PHYHD1: variants seen among roughly 807,000 people sequenced by gnomAD.
The protein encoded by PHYHD1 is phytanoyl-CoA dioxygenase domain containing 1, also known as phytanoyl-CoA dioxygenase domain-containing protein 1.
Under a neutral mutation model 43.6 loss-of-function variants are expected in PHYHD1, and 42 were observed. The ratio of observed to expected loss-of-function variants is 0.96; its 90% CI spans 0.75 to 1.25. The LOEUF is 1.25. Among genes scored for constraint, PHYHD1 ranks in the 50% most tolerant of loss-of-function variants. The pLI, the probability that PHYHD1 is intolerant of heterozygous loss-of-function variation, is 0.00. For missense variants in PHYHD1, 342 were observed against 370.8 expected, an observed-to-expected ratio of 0.92 and a Z score of 0.64; for synonymous variants, 139 against 143.6, an observed-to-expected ratio of 0.97 and a Z score of 0.23.
rs181668961 is a variant in PHYHD1 at position 128,927,787 on chromosome 9, C to T, written c.192+591C>T. ...TCTGATACCAAGTCCCTGCTGTTCC[C>T]AGCTTGGCTTTACTTTCTGTTTTCC... On this transcript the variant is annotated intron_variant, in intron 4 of 12. Coordinates refer to ENST00000372592, the MANE Select transcript of PHYHD1 (RefSeq NM_001100876.2). Among the ~76,000 whole-genome samples, 20 of 152,368 alleles carry T rather than the reference C, an allele frequency of 1.3e-4. No homozygotes were observed. In the East Asian group the frequency reaches 3.9e-3, roughly 29 times the overall value.
At chr9:128,936,214 C>T (rs563813792) in intron 6 of PHYHD1, among the ~76,000 whole-genome samples, 2 of 151,832 alleles carry the variant, frequency 1.3e-5, no homozygotes, top group South Asian at 2.1e-4. Flanking sequence ...GGTGGGGAGT[C>T]GGGGCTGGAC....
Position 128,936,788 on chromosome 9 carries a change from A to G in PHYHD1, c.435+143A>G. On this transcript the variant is annotated intron_variant, in intron 8 of 12. Transcript: ENST00000372592. ...TGGAAAATCGGTCTCCTCTGGCTAA[A>G]GCACCTGGAACTTAGTTGATCCTCA... 6 of 1,007,310 alleles carry G rather than the reference A, an allele frequency of 6.0e-6. No individual in the cohort carries two copies. The South Asian group carries it at 6.4e-5, about 11-fold the overall frequency. The allele number at this position is 1,007,310 out of a possible 1,614,324, so 62.4% of individuals were successfully genotyped here. A position where few individuals can be genotyped will look rare whatever the true frequency, so the allele number is the denominator to read the frequency against.
intron 4 of PHYHD1, among the ~76,000 whole-genome samples, chr9:128,932,172 A>T (rs866488758): frequency 0.026 from 2,706 of 103,060 alleles, 181 homozygotes; most frequent in African/African-American, 0.098. Context: ...TATTATTGTT[A>T]TTATTATTAT....
chr9:128,924,760 C>A (rs1028938048), intron 3 of PHYHD1, among the ~76,000 whole-genome samples: 1 of 151,280 alleles, frequency 6.6e-6, no homozygotes, highest in Non-Finnish European at 1.5e-5. Context: ...CATAGTGAAA[C>A]CCCATCTCTA....
In PHYHD1 at chr9:128,937,718, T is replaced by C. The variant is rs1319862802; in HGVS notation, c.436-39T>C. ...CTCAGCAAGCCCAGCTCCTCTCTGCTCTCTTCTGTCCTCACCAGGCTTTTC... is the reference window on the plus strand; with the variant it reads ...CTCAGCAAGCCCAGCTCCTCTCTGCCCTCTTCTGTCCTCACCAGGCTTTTC... On this transcript the variant is annotated intron_variant, in intron 8 of 12. Transcript: ENST00000372592. 3 of 1,613,206 alleles carry C rather than the reference T, an allele frequency of 1.9e-6. No individual in the cohort carries two copies. In the Admixed American group the frequency reaches 5.0e-5, roughly 27 times the overall value.
intron 4 of PHYHD1, among the ~76,000 whole-genome samples, chr9:128,932,253 A>G (rs1306915129): frequency 6.7e-6 from 1 of 148,180 alleles, no homozygotes; most frequent in Non-Finnish European, 1.5e-5. Flanking sequence ...ATCTCAGCTC[A>G]CTGCAACCTC....
At chr9:128,934,718 A>C (rs1564541475) in intron 6 of PHYHD1, among the ~76,000 whole-genome samples, 1 of 151,318 alleles carries the variant, frequency 6.6e-6, no homozygotes. Context: ...CAGTGAGCCG[A>C]TATCATGCCA....
At chr9:128,927,273 G>C (rs1841161593) in intron 4 of PHYHD1, 77 bp downstream of exon 4, 1 of 1,572,388 alleles carries the variant, frequency 6.4e-7, no homozygotes, top group Non-Finnish European at 8.7e-7. Flanking sequence ...CAGCATCGTG[G>C]AAGGGAGGAT....
In PHYHD1 at chr9:128,936,479, C is replaced by G; in HGVS notation, c.348C>G (p.Ser116Arg). 1 of 1,613,800 alleles carries G rather than the reference C, an allele frequency of 6.2e-7. No individual in the cohort carries two copies. Residue 116 changes from serine to arginine, a missense_variant, in exon 7 of 13, where the codon AGC becomes AGG. Physicochemically the swap from Ser to Arg is moderately radical, Grantham distance 110 (BLOSUM62 -1). Coordinates refer to ENST00000372592, the MANE Select transcript of PHYHD1 (RefSeq NM_001100876.2). ...ALHAHDPVFK[S>R]ITHSFKVQTL... ...ACGCCCACGACCCCGTCTTCAAGAG[C>G]ATCACACACTCCTTCAAGGTGCAGG...
At chr9:128,930,153 G>A (rs555634319) in intron 4 of PHYHD1, among the ~76,000 whole-genome samples, 118 of 151,836 alleles carry the variant, frequency 7.8e-4, no homozygotes, top group African/African-American at 2.7e-3. Context: ...GGTGATGCAC[G>A]TGTGTAATCC....
chr9:128,922,235 G>A, intron 2 of PHYHD1, 48 bp from the exon 3 acceptor site: 1 of 1,503,868 alleles, frequency 6.6e-7, no homozygotes. Flanking sequence ...CTCCGGGTAG[G>A]GAAGGGTTAA....
intron 4 of PHYHD1, among the ~76,000 whole-genome samples, chr9:128,932,036 T>C (rs1316491868): frequency 1.3e-5 from 2 of 150,854 alleles, no homozygotes; most frequent in African/African-American, 4.9e-5. Flanking sequence ...GGTCTCATCA[T>C]ATTGGTCAGG....
At chr9:128,937,831 C>G in intron 9 of PHYHD1, 53 bp downstream of exon 9, 1 of 1,613,628 alleles carries the variant, frequency 6.2e-7, no homozygotes. Flanking sequence ...ACATCTAAGA[C>G]AGCAATGGTT....
rs541513380 is a variant in PHYHD1 at position 128,931,846 on chromosome 9, C to T, written c.193-1936C>T. Among the ~76,000 whole-genome samples, 663 of 149,754 alleles carry T rather than the reference C, an allele frequency of 4.4e-3. 9 individuals are homozygous for T. The highest frequency in any genetic ancestry group is 0.042 in the East Asian group (211 of 5,028). On this transcript the variant is annotated intron_variant, in intron 4 of 12. Transcript: ENST00000372592. ...CCGGCCTTTCTTTCTTTCTTTCTTTCTTTTTGAGATGGAGTTTTGCTCTTG... is the reference window on the plus strand; with the variant it reads ...CCGGCCTTTCTTTCTTTCTTTCTTTTTTTTTGAGATGGAGTTTTGCTCTTG...
At chr9:128,932,528 C>A (rs562420166) in intron 4 of PHYHD1, among the ~76,000 whole-genome samples, 4 of 151,946 alleles carry the variant, frequency 2.6e-5, no homozygotes, top group African/African-American at 9.7e-5. Context: ...CCACCATGCC[C>A]GGCTAATTTT....
chr9:128,937,946 T>C, intron 9 of PHYHD1, 168 bp downstream of exon 9: 2 of 1,504,748 alleles, frequency 1.3e-6, no homozygotes, highest in South Asian at 1.3e-5. Context: ...AGTGGATTGG[T>C]AGGGAAACCT....
intron 9 of PHYHD1, among the ~76,000 whole-genome samples, chr9:128,938,345 A>G (rs1337044486): frequency 2.0e-5 from 3 of 151,714 alleles, no homozygotes; most frequent in Non-Finnish European, 2.9e-5. Flanking sequence ...CAAACCAAGC[A>G]AACAAAAAAA....
At chr9:128,933,641 CTCAGTGGACAAG>C (rs1841352897) in intron 4 of PHYHD1, 129 bp from the exon 5 acceptor site, 1 of 867,734 alleles carries the variant, frequency 1.2e-6, no homozygotes, top group African/African-American at 1.6e-5. Context: ...CTGTCTGTGC[CTCAGTGGACAAG>C]TCTGAGAAGC....
chr9:128,933,727 G>T, intron 4 of PHYHD1, 55 bp from the exon 5 acceptor site: 1 of 1,569,816 alleles, frequency 6.4e-7, no homozygotes, highest in East Asian at 2.2e-5. Context: ...TCTTTGCCAG[G>T]CCCAGCTCTG....
Sources: gnomAD v4.1 joint callset for allele counts (sites outside exome capture counted in the v4.1 genomes callset) on GRCh38, gnomAD v4.1.1 for gene constraint, MANE v1.5 for transcripts, NCBI Gene and HGNC (gene_info 2026-07-23, HGNC 2026-07-21) for gene names.